NRIP2: variants seen among roughly 807,000 people sequenced by gnomAD.
NRIP2 encodes the protein nuclear receptor interacting protein 2.
NRIP2 carries 27 observed loss-of-function variants against 34.1 expected under a neutral mutation model. That is an observed-to-expected ratio of 0.79 (90% CI 0.58 to 1.09). NRIP2 has a LOEUF of 1.09. Ranked by LOEUF, NRIP2 falls within the 50% of genes least tolerant of loss-of-function variation. The pLI, the probability that NRIP2 is intolerant of heterozygous loss-of-function variation, is 0.00. For synonymous variants in NRIP2, 145 were observed against 146.9 expected (o/e 0.99, Z 0.09); for missense variants, 385 against 352.6 (o/e 1.09, Z -0.74).
intron 2 of NRIP2, among the ~76,000 whole-genome samples, chr12:2,829,898 A>T (rs55893327): frequency 0.073 from 9,124 of 125,528 alleles, no homozygotes; most frequent in South Asian, 0.16. Flanking sequence ...ACCAACCTGG[A>T]GAAACCCCAT....
In NRIP2 at chr12:2,827,849, G is replaced by A. The variant is rs1332592436; in HGVS notation, c.700+77C>T. The A allele has an allele frequency of 1.9e-5, 30 of 1,609,238 alleles. No individual in the cohort carries two copies. The highest frequency in any genetic ancestry group is 2.3e-5 in the Non-Finnish European group (27 of 1,178,596). On this transcript the variant is annotated intron_variant, in intron 4 of 5. Coordinates refer to ENST00000337508, the MANE Select transcript of NRIP2 (RefSeq NM_031474.3). This position sits in a 1 kb window ranked among gnomAD's most constrained non-coding sequence, Gnocchi z 4.0. ...GGGAACTCCTCGTGCTGCAGGGAGTGAAAGTCTCAGCCTTTGCCCCACCCC... is the reference window on the plus strand; with the variant it reads ...GGGAACTCCTCGTGCTGCAGGGAGTAAAAGTCTCAGCCTTTGCCCCACCCC...
chr12:2,834,892 C>G lies in NRIP2; in HGVS notation c.92G>C (p.Arg31Thr). 6.2e-7 allele frequency: 1 copy of G among 1,613,946 alleles called. No homozygotes were observed. Among genetic ancestry groups the G allele is most frequent in the South Asian group, 1.1e-5 (1 of 91,068 alleles). ...CGGTGGGGGCGTCACCGAGTCCTCT[C>G]TGCTTCTTCCTGCCTGTCTCTGTCC... ...STGQRQAGRS[R>T]EDSVTPPPSS... Residue 31 changes from arginine (R) to threonine (T), a missense_variant, in exon 1 of 6, where the codon AGA (arginine) becomes ACA (threonine). Physicochemically the swap from Arg to Thr is moderately conservative, Grantham distance 71 (BLOSUM62 -1). Coordinates refer to ENST00000337508, the MANE Select transcript of NRIP2 (RefSeq NM_031474.3).
chr12:2,831,187 A>G (rs984640706), intron 1 of NRIP2, among the ~76,000 whole-genome samples: 3 of 150,344 alleles, frequency 2.0e-5, no homozygotes, highest in African/African-American at 4.9e-5. Context: ...TCAAACTTAC[A>G]TTTTTTTTTA....
chr12:2,827,580 A>G lies in NRIP2; in HGVS notation c.753+45T>C, dbSNP rs750966282. The stretch of plus-strand genomic sequence containing the variant: ...AGGTTCCACACCTGTGCCTTCTACT[A>G]CTTTTTCCCAGTGCTTTGGGTCAGG... On this transcript the variant is annotated intron_variant, in intron 5 of 5. Transcript: ENST00000337508. This position sits in a 1 kb window ranked among gnomAD's most constrained non-coding sequence, Gnocchi z 4.0. The G allele has an allele frequency of 1.2e-6, 2 of 1,613,646 alleles. No homozygotes were observed. The highest frequency in any genetic ancestry group is 2.7e-5 in the African/African-American group (2 of 74,896).
At position 2,830,821 on chromosome 12, in the gene NRIP2, T is replaced by G; in HGVS notation, c.382A>C (p.Asn128His). The change falls in exon 2 of 6, where the codon AAC becomes CAC. Residue 128 changes from asparagine (N) to histidine (H), a missense_variant. Coordinates refer to ENST00000337508, the MANE Select transcript of NRIP2 (RefSeq NM_031474.3). ...SVIQRRLVEG[N>H]PNWLQGEPPR... ...GGCTCCCCCTGAAGCCAATTCGGGT[T>G]TCCCTCCACCAGGCGTCTTTGGATC... 6.2e-7 allele frequency: 1 copy of G among 1,613,644 alleles called. No individual in the cohort carries two copies. Among genetic ancestry groups the G allele is most frequent in the Non-Finnish European group, 8.5e-7 (1 of 1,179,816 alleles).
intron 2 of NRIP2, among the ~76,000 whole-genome samples, chr12:2,829,536 G>A (rs2097989240): frequency 6.6e-6 from 1 of 152,266 alleles, no homozygotes; most frequent in Non-Finnish European, 1.5e-5. Context: ...CACTTTGGGA[G>A]GCCAAGGTGG....
At position 2,827,800 on chromosome 12, in the gene NRIP2, A is replaced by G; in HGVS notation, c.701-123T>C. On this transcript the variant is annotated intron_variant, in intron 4 of 5. Transcript: ENST00000337508. The surrounding 1 kb of genome is among the most constrained non-coding windows in gnomAD (Gnocchi z 4.0). ...CAGATCCGAGGACACTGGCACAGAG[A>G]TGGGGGATAGTCAGAACATCTCTGG... 6.2e-7 allele frequency: 1 copy of G among 1,603,508 alleles called. No homozygotes were observed. The highest frequency in any genetic ancestry group is 8.5e-7 in the Non-Finnish European group (1 of 1,175,282).
chr12:2,833,550 G>A (rs561554225), intron 1 of NRIP2, among the ~76,000 whole-genome samples: 21 of 152,160 alleles, frequency 1.4e-4, no homozygotes, highest in African/African-American at 5.1e-4. Context: ...AGTTGGTGGA[G>A]CACAGGCCTG....
intron 1 of NRIP2, 148 bp downstream of exon 1, chr12:2,834,494 G>C (rs1314971368): frequency 4.3e-6 from 5 of 1,157,286 alleles, no homozygotes; most frequent in Non-Finnish European, 4.6e-6. Context: ...AGAGCCTTGA[G>C]TTGGCAGGAT....
At chr12:2,828,114 G>T in intron 3 of NRIP2, 67 bp from the exon 4 acceptor site, 3 of 1,439,734 alleles carry the variant, frequency 2.1e-6, no homozygotes, top group Non-Finnish European at 2.9e-6. Context: ...TTAATCAGCA[G>T]GTGTCCCTCT....
chr12:2,830,967 C>A (rs11612419), intron 1 of NRIP2, 107 bp from the exon 2 acceptor site: 181,023 of 1,205,520 alleles, frequency 0.15, 16,221 homozygotes, highest in South Asian at 0.35. Context: ...ACCCCCCCAG[C>A]CCTGAGCCTT....
At position 2,827,352 on chromosome 12, in the gene NRIP2, C is replaced by T; in HGVS notation, c.754-53G>A. 6.4e-7 allele frequency: 1 copy of T among 1,567,774 alleles called. No homozygotes were observed. The highest frequency in any genetic ancestry group is 1.4e-5 in the African/African-American group (1 of 73,048). ...GTCACCTCAGCCCGCCACCTGCCTC[C>T]CGGCCTGCTCCTTTTGTTCCCCCTC... is the stretch of plus-strand genomic sequence containing the variant. On this transcript the variant is annotated intron_variant, in intron 5 of 5. Transcript: ENST00000337508. The surrounding 1 kb of genome is among the most constrained non-coding windows in gnomAD (Gnocchi z 4.0).
Position 2,834,633 on chromosome 12 carries a change from A to G in NRIP2, c.342+9T>C. The G allele has an allele frequency of 6.4e-7, 1 of 1,572,974 alleles. No individual in the cohort carries two copies. Among genetic ancestry groups the G allele is most frequent in the South Asian group, 1.2e-5 (1 of 85,200 alleles). On this transcript the variant is annotated intron_variant, in intron 1 of 5. Transcript: ENST00000337508. ...AGGGGACGCTGGCAGGGGAGGGGTGATGCCTCACCAAGTCCTTGGAGGTGC... is the reference window on the plus strand; with the variant it reads ...AGGGGACGCTGGCAGGGGAGGGGTGGTGCCTCACCAAGTCCTTGGAGGTGC...
In NRIP2 at chr12:2,830,759, G is replaced by C. The variant is rs777898082; in HGVS notation, c.444C>G (p.Ser148Arg). The change falls in exon 2 of 6, where the codon AGC (serine) becomes AGG (arginine). Residue 148 changes from serine to arginine, a missense_variant. Coordinates refer to ENST00000337508, the MANE Select transcript of NRIP2 (RefSeq NM_031474.3). ...TCTCTGTCCTGCTGGTCTTCCTCCT[G>C]CTCTCCTGGCCATGAATCAGGTCCT... ...RMQDLIHGQE[S>R]RRKTSRTEIP... is the part of the protein sequence containing the mutation. The C allele has an allele frequency of 6.2e-7, 1 of 1,613,910 alleles. No individual in the cohort carries two copies. The highest frequency in any genetic ancestry group is 2.2e-5 in the East Asian group (1 of 44,858).
chr12:2,832,612 A>G (rs990899479), intron 1 of NRIP2, among the ~76,000 whole-genome samples: 1 of 151,808 alleles, frequency 6.6e-6, no homozygotes, highest in African/African-American at 2.4e-5. Context: ...ATACACGCCA[A>G]GCTGGGGTCC....
rs886926037 is a variant in NRIP2, at chr12:2,827,773, C to T, written c.701-96G>A. The T allele has an allele frequency of 2.5e-6, 4 of 1,608,208 alleles. No individual in the cohort carries two copies. Among genetic ancestry groups the T allele is most frequent in the Non-Finnish European group, 1.7e-6 (2 of 1,177,784 alleles). On this transcript the variant is annotated intron_variant, in intron 4 of 5. Coordinates refer to ENST00000337508, the MANE Select transcript of NRIP2 (RefSeq NM_031474.3). This position sits in a 1 kb window ranked among gnomAD's most constrained non-coding sequence, Gnocchi z 4.0. ...TTGCTCCTTCTCTGCCCACCCCATC[C>T]CCAGATCCGAGGACACTGGCACAGA...
chr12:2,833,968 G>C (rs1425496989), intron 1 of NRIP2, among the ~76,000 whole-genome samples: 5 of 152,216 alleles, frequency 3.3e-5, no homozygotes, highest in Admixed American at 3.3e-4. Context: ...TTGCCTCTCA[G>C]AGGGGAATGC....
rs376228514 is a variant in NRIP2 at position 2,827,672 on chromosome 12, C to G, written c.706G>C (p.Glu236Gln). ...AGGCCCAGGCAGAATTCAGGACTCT[C>G]AGCATCTATAGGAACAATTTGAAAA... Reference protein sequence around the residue: ...VVCSAQVVDAESPEFCLGLQT... With the variant: ...VVCSAQVVDAQSPEFCLGLQT... The change falls in exon 5 of 6, where the codon GAG becomes CAG. Residue 236 changes from glutamate (E) to glutamine (Q), a missense_variant. Transcript: ENST00000337508. The surrounding 1 kb of genome is among the most constrained non-coding windows in gnomAD (Gnocchi z 4.0). The G allele has an allele frequency of 4.7e-5, 76 of 1,614,026 alleles. No homozygotes were observed. Among genetic ancestry groups the G allele is most frequent in the Non-Finnish European group, 6.2e-5 (73 of 1,180,046 alleles).
chr12:2,826,908 T>C lies in NRIP2; in HGVS notation c.*299A>G, dbSNP rs1050087050. 3.7e-6 allele frequency: 4 copies of C among 1,073,614 alleles called. No homozygotes were observed. Among genetic ancestry groups the C allele is most frequent in the Non-Finnish European group, 3.6e-6 (3 of 844,372 alleles). The allele number at this position is 1,073,614 out of a possible 1,614,324, so 66.5% of individuals were successfully genotyped here. On this transcript the variant is annotated 3_prime_UTR_variant, in exon 6 of 6. Coordinates refer to ENST00000337508, the MANE Select transcript of NRIP2 (RefSeq NM_031474.3). ...CGACCCAGCCCAAGCAGGCACCCCA[T>C]TGTGCTTAGGTTCCTATCTGTGGTC...
Sources: gnomAD v4.1 joint callset for allele counts (sites outside exome capture counted in the v4.1 genomes callset) on GRCh38, gnomAD v4.1.1 for gene constraint, Gnocchi (gnomAD v3.1) non-coding constraint, MANE v1.5 for transcripts, NCBI Gene and HGNC (gene_info 2026-07-23, HGNC 2026-07-21) for gene names.